The following CTNNA2 variants were observed in gnomAD, a reference collection of about 807,000 sequenced individuals.
The protein encoded by CTNNA2 is catenin alpha-2.
Under a neutral mutation model 101.0 loss-of-function variants are expected in CTNNA2, and 42 were observed. The observed-to-expected ratio is 0.42, with a 90% CI of 0.32 to 0.54. The LOEUF is 0.54. Ranked by LOEUF, CTNNA2 falls within the 20% of genes least tolerant of loss-of-function variation. The pLI is 0.14. For synonymous variants in CTNNA2, 450 were observed against 456.4 expected, an observed-to-expected ratio of 0.99 and a Z score of 0.18; for missense variants, 871 against 1,223.1, an observed-to-expected ratio of 0.71 and a Z score of 4.29.
chr2:80,268,772 A>T (rs1673215002), intron 7 of CTNNA2, among the ~76,000 whole-genome samples: 1 of 152,188 alleles, frequency 6.6e-6, no homozygotes, highest in Admixed American at 6.5e-5. Flanking sequence ...AGACCACAAC[A>T]TTACAATAAA....
chr2:79,446,838 T>C (rs1481369690), intron 4 of CTNNA2, among the ~76,000 whole-genome samples: 2 of 152,048 alleles, frequency 1.3e-5, no homozygotes, highest in African/African-American at 4.8e-5. Context: ...AAATCCAGAT[T>C]TGTCCTATAT....
At chr2:79,239,717 G>C (rs1674598823) in intron 2 of CTNNA2, among the ~76,000 whole-genome samples, 2 of 152,138 alleles carry the variant, frequency 1.3e-5, no homozygotes, top group African/African-American at 2.4e-5. Flanking sequence ...TTAAACTAAA[G>C]AGTTCTGCAC....
chr2:80,631,458 C>T (rs561549825), intron 18 of CTNNA2, among the ~76,000 whole-genome samples: 4 of 150,586 alleles, frequency 2.7e-5, no homozygotes, highest in African/African-American at 4.9e-5. Flanking sequence ...TCTTGTATAA[C>T]TCAGCCTCGT....
chr2:80,322,403 T>G (rs1350852795), intron 7 of CTNNA2, among the ~76,000 whole-genome samples: 1 of 152,206 alleles, frequency 6.6e-6, no homozygotes, highest in Non-Finnish European at 1.5e-5. Context: ...ACGGAGCCAC[T>G]TCCCTGAAAG....
chr2:80,647,827 G>A lies in CTNNA2; in HGVS notation c.2817G>A (p.Ser939=), dbSNP rs529719349. The A allele has an allele frequency of 2.5e-5, 40 of 1,613,332 alleles. No homozygotes were observed. Among genetic ancestry groups the A allele is most frequent in the African/African-American group, 8.0e-5 (6 of 74,982 alleles). The change falls in exon 19 of 19, where the codon TCG becomes TCA. Residue 939 remains serine, a synonymous_variant. Coordinates refer to ENST00000402739, the MANE Select transcript of CTNNA2 (RefSeq NM_001282597.3). ...VRRGSQKKHI[S]PVQALSEFKA... is the part of the protein sequence containing the mutation. ...GAGGTTCTCAGAAGAAACACATTTC[G>A]CCTGTACAGGCTTTAAGTGAATTCA...
intron 15 of CTNNA2, among the ~76,000 whole-genome samples, chr2:80,595,938 A>G (rs1696910448): frequency 6.6e-6 from 1 of 152,132 alleles, no homozygotes; most frequent in South Asian, 2.1e-4. Context: ...CATTGAATCT[A>G]TAAATTACTT....
chr2:79,588,838 A>G (rs2685154), intron 1 of CTNNA2, among the ~76,000 whole-genome samples: 123,598 of 152,090 alleles, frequency 0.81, 50,383 homozygotes, highest in Middle Eastern at 0.85. Context: ...TAGGATAAGC[A>G]CCGTATAGAA....
intron 4 of CTNNA2, among the ~76,000 whole-genome samples, chr2:79,459,730 T>A (rs1670858546): frequency 6.6e-6 from 1 of 152,188 alleles, no homozygotes; most frequent in South Asian, 2.1e-4. Context: ...GTTTAATATC[T>A]TTAGCATTGG....
intron 2 of CTNNA2, among the ~76,000 whole-genome samples, chr2:79,236,642 C>G (rs1674561692): frequency 1.3e-5 from 2 of 152,204 alleles, no homozygotes; most frequent in Non-Finnish European, 2.9e-5. Flanking sequence ...CTCCCAAACC[C>G]TGACACTATT....
intron 7 of CTNNA2, among the ~76,000 whole-genome samples, chr2:80,197,661 T>C (rs1706921994): frequency 6.6e-6 from 1 of 152,168 alleles, no homozygotes; most frequent in Non-Finnish European, 1.5e-5. Flanking sequence ...AGATAACTAC[T>C]GTAGAGCCAT....
intron 1 of CTNNA2, among the ~76,000 whole-genome samples, chr2:79,603,797 A>G (rs1479504901): frequency 6.6e-6 from 1 of 152,224 alleles, no homozygotes; most frequent in African/African-American, 2.4e-5. Flanking sequence ...ACCTCAGGCC[A>G]TGTCCCTTAG....
At chr2:80,133,550 A>G (rs538804159) in intron 7 of CTNNA2, among the ~76,000 whole-genome samples, 2 of 152,318 alleles carry the variant, frequency 1.3e-5, no homozygotes, top group East Asian at 3.9e-4. Flanking sequence ...GAATGTGCAA[A>G]TGGAAGCAAA....
At chr2:80,149,024 T>A (rs1397233791) in intron 7 of CTNNA2, among the ~76,000 whole-genome samples, 1 of 75,572 alleles carries the variant, frequency 1.3e-5, no homozygotes, top group Non-Finnish European at 2.8e-5. Flanking sequence ...TATTTTGTTA[T>A]TTTTTTTTTT....
intron 7 of CTNNA2, among the ~76,000 whole-genome samples, chr2:80,227,312 A>G (rs1289054183): frequency 1.3e-5 from 2 of 152,176 alleles, no homozygotes; most frequent in Non-Finnish European, 2.9e-5. Flanking sequence ...CAGGTGCTGA[A>G]TGATAAGTTT....
intron 7 of CTNNA2, among the ~76,000 whole-genome samples, chr2:80,239,909 T>C (rs139250094): frequency 0.011 from 1,520 of 139,138 alleles, 22 homozygotes; most frequent in African/African-American, 0.045. Context: ...CAAGACTCCA[T>C]CTCAAAAAAA....
At chr2:79,246,080 C>A (rs1674696085) in intron 2 of CTNNA2, among the ~76,000 whole-genome samples, 1 of 152,190 alleles carries the variant, frequency 6.6e-6, no homozygotes, top group Non-Finnish European at 1.5e-5. Context: ...ACTTTAATTT[C>A]TCTGGAAGTG....
At chr2:79,664,622 T>TA (rs1159530354) in intron 2 of CTNNA2, among the ~76,000 whole-genome samples, 1 of 152,058 alleles carries the variant, frequency 6.6e-6, no homozygotes, top group Non-Finnish European at 1.5e-5. Context: ...GAAACATACT[T>TA]ATACTAAAAT....
At chr2:79,721,232 A>G (rs776793228) in intron 2 of CTNNA2, among the ~76,000 whole-genome samples, 21 of 152,098 alleles carry the variant, frequency 1.4e-4, no homozygotes, top group Non-Finnish European at 2.8e-4. Context: ...AGACTGGGTA[A>G]TTTATAAAGA....
At chr2:79,206,244 G>A (rs1253402222) in intron 2 of CTNNA2, among the ~76,000 whole-genome samples, 1 of 150,672 alleles carries the variant, frequency 6.6e-6, no homozygotes, top group Non-Finnish European at 1.5e-5. Context: ...TTAGAATTCG[G>A]CAATTATGGA....
Sources: allele counts gnomAD v4.1 joint callset (sites outside exome capture counted in the v4.1 genomes callset), GRCh38; gene constraint gnomAD v4.1.1; transcripts MANE v1.5; gene names NCBI Gene and HGNC (gene_info 2026-07-23, HGNC 2026-07-21).